Variants in GATAD2A observed in about 807,000 individuals in gnomAD.
GATAD2A encodes transcriptional repressor p66-alpha.
In GATAD2A, 12 loss-of-function variants were observed where a neutral mutation model predicts 68.5. The observed-to-expected ratio is 0.18, with a 90% CI of 0.11 to 0.28. The LOEUF (loss-of-function observed/expected upper bound fraction) is 0.28, where lower values mean the gene tolerates loss of function less well. Among genes scored for constraint, GATAD2A ranks in the 10% least tolerant of loss-of-function variants. The pLI, the probability that GATAD2A is intolerant of heterozygous loss-of-function variation, is 1.00. For synonymous variants in GATAD2A, 410 were observed against 375.3 expected (o/e 1.09, Z -1.07); for missense variants, 755 against 868.5 (o/e 0.87, Z 1.64).
At chr19:19,471,030 C>T (rs1168237750) in intron 2 of GATAD2A, among the ~76,000 whole-genome samples, 1 of 152,016 alleles carries the variant, frequency 6.6e-6, no homozygotes, top group Admixed American at 6.6e-5. Context: ...CCGAGGCAGG[C>T]GGATCACCTG....
chr19:19,498,604 G>A lies in GATAD2A; in HGVS notation c.1086G>A (p.Glu362=). Residue 362 remains glutamate, a synonymous_variant, in exon 8 of 12, where the codon GAG becomes GAA. Coordinates refer to ENST00000683918, the MANE Select transcript of GATAD2A (RefSeq NM_001384528.1). ...AACAGCTGGAGAAGACGCTACTCGA[G>A]ATCCCCCCACCCAAGCCCCCAGCCC... ...LRKQLEKTLL[E]IPPPKPPAPE... is the part of the protein sequence containing the mutation. 2 of 1,613,870 alleles carry A rather than the reference G, an allele frequency of 1.2e-6. No homozygotes were observed. The highest frequency in any genetic ancestry group is 1.7e-6 in the Non-Finnish European group (2 of 1,179,988).
chr19:19,444,832 C>T lies in GATAD2A; in HGVS notation c.-6-20508C>T, dbSNP rs375652211. 1.5e-4 allele frequency among the ~76,000 whole-genome samples: 21 copies of T among 143,804 alleles called. No individual in the cohort carries two copies. The East Asian group carries it at 3.8e-3, about 26-fold the overall frequency. 94.3% of individuals were successfully genotyped at this position (143,804 alleles called of 152,430 possible). The stretch of plus-strand genomic sequence containing the variant: ...GCTGCAGTGAGTCATGATTGTGGCT[C>T]TGCACTCCAGCCTGGACAACAGAGT... On this transcript the variant is annotated intron_variant, in intron 1 of 11. Coordinates refer to ENST00000683918, the MANE Select transcript of GATAD2A (RefSeq NM_001384528.1).
chr19:19,503,068 A>C (rs981392339), intron 11 of GATAD2A, among the ~76,000 whole-genome samples: 1 of 152,206 alleles, frequency 6.6e-6, no homozygotes, highest in African/African-American at 2.4e-5. Context: ...AAGGTCCTCC[A>C]GTGGGCTCTC....
chr19:19,420,498 A>G (rs1600077537), intron 1 of GATAD2A, among the ~76,000 whole-genome samples: 1 of 126,282 alleles, frequency 7.9e-6, no homozygotes, highest in South Asian at 2.5e-4. Flanking sequence ...CGCCTGGCCA[A>G]TTTTTTTTTT....
At chr19:19,432,811 G>T (rs1411407540) in intron 1 of GATAD2A, among the ~76,000 whole-genome samples, 1 of 152,226 alleles carries the variant, frequency 6.6e-6, no homozygotes, top group African/African-American at 2.4e-5. Flanking sequence ...TGGGTCTGCA[G>T]GCAGTGTGTG....
At chr19:19,474,536 CCTGGTGTGTA>C (rs2058538813) in intron 2 of GATAD2A, among the ~76,000 whole-genome samples, 1 of 152,072 alleles carries the variant, frequency 6.6e-6, no homozygotes, top group South Asian at 2.1e-4. Flanking sequence ...GGGATTTGCC[CCTGGTGTGTA>C]TTGGTGTGCC....
intron 8 of GATAD2A, among the ~76,000 whole-genome samples, chr19:19,500,321 GGGCCA>G (rs1449110365): frequency 6.6e-6 from 1 of 152,164 alleles, no homozygotes; most frequent in Non-Finnish European, 1.5e-5. Flanking sequence ...GGCTTAGAAG[GGGCCA>G]GGCCAGTCCA....
At chr19:19,442,689 G>A (rs2055233356) in intron 1 of GATAD2A, among the ~76,000 whole-genome samples, 1 of 150,818 alleles carries the variant, frequency 6.6e-6, no homozygotes, top group Admixed American at 6.6e-5. Flanking sequence ...CATCCTAGCT[G>A]TTCCGGAGGC....
At chr19:19,480,344 T>C (rs2058969615) in intron 2 of GATAD2A, among the ~76,000 whole-genome samples, 1 of 152,246 alleles carries the variant, frequency 6.6e-6, no homozygotes, top group Admixed American at 6.5e-5. Context: ...GATTTGTCAA[T>C]GTCACCACCT....
intron 7 of GATAD2A, 33 bp from the exon 8 acceptor site, chr19:19,498,410 G>GGAGC (rs1568339067): frequency 1.3e-6 from 2 of 1,582,262 alleles, no homozygotes; most frequent in Non-Finnish European, 8.6e-7. Flanking sequence ...GCAGGCGCAC[G>GGAGC]GAGCGCCCTG....
intron 1 of GATAD2A, among the ~76,000 whole-genome samples, chr19:19,423,735 G>A (rs1380790624): frequency 6.6e-6 from 1 of 152,246 alleles, no homozygotes; most frequent in Non-Finnish European, 1.5e-5. Context: ...TGGGGATGGC[G>A]TGGGCAGAAT....
upstream of GATAD2A, among the ~76,000 whole-genome samples, chr19:19,405,547 G>A (rs1258848640): frequency 2.0e-5 from 3 of 152,036 alleles, no homozygotes; most frequent in African/African-American, 7.2e-5. Flanking sequence ...GGAGCGCGCC[G>A]GAGAGGGGCG....
intron 7 of GATAD2A, 59 bp downstream of exon 7, chr19:19,496,278 C>T: frequency 6.7e-7 from 1 of 1,486,558 alleles, no homozygotes; most frequent in Non-Finnish European, 9.3e-7. Context: ...GACTGCTCCC[C>T]TTGGACCCAG....
chr19:19,400,770 T>C (rs575803820), upstream of GATAD2A, among the ~76,000 whole-genome samples: 3 of 152,306 alleles, frequency 2.0e-5, no homozygotes, highest in East Asian at 5.8e-4. Context: ...AACTTTAAAA[T>C]GATCCTCCCT....
chr19:19,424,305 C>T (rs1600087658), intron 1 of GATAD2A, among the ~76,000 whole-genome samples: 1 of 152,290 alleles, frequency 6.6e-6, no homozygotes, highest in East Asian at 1.9e-4. Flanking sequence ...TATTGGCTCA[C>T]TGTATCCTCC....
In GATAD2A at chr19:19,447,842, C is replaced by T. The variant is rs191473359; in HGVS notation, c.-6-17498C>T. 2.6e-5 allele frequency among the ~76,000 whole-genome samples: 4 copies of T among 152,348 alleles called. No homozygotes were observed. In the East Asian group the frequency reaches 7.7e-4, roughly 29 times the overall value. ...AACAGATGAATTTTTGGTTCCCTCA[C>T]TTTCCACTTGACATTTCCTTCCAGG... On this transcript the variant is annotated intron_variant, in intron 1 of 11. Coordinates refer to ENST00000683918, the MANE Select transcript of GATAD2A (RefSeq NM_001384528.1).
At position 19,508,396 on chromosome 19, in the gene GATAD2A, G is replaced by A. The variant is rs1007664571; in HGVS notation, c.*2922G>A. 6.6e-6 allele frequency: 1 copy of A among 152,284 alleles called. No homozygotes were observed. The highest frequency in any genetic ancestry group is 2.4e-5 in the African/African-American group (1 of 41,462). The allele number at this position is 152,284 out of a possible 1,614,324, so 9.4% of individuals were successfully genotyped here. ...CCTTCTCAGAGTGGAACAGCCCACA[G>A]TGCTAGTTGTGCCTGGTCTTACCTG... On this transcript the variant is annotated 3_prime_UTR_variant, in exon 12 of 12. Coordinates refer to ENST00000683918, the MANE Select transcript of GATAD2A (RefSeq NM_001384528.1).
At chr19:19,502,113 T>C (rs1218865929) in intron 10 of GATAD2A, 70 bp downstream of exon 10, 1 of 1,144,884 alleles carries the variant, frequency 8.7e-7, no homozygotes, top group Non-Finnish European at 1.3e-6. Flanking sequence ...AGTCGCCGAC[T>C]GTCACGCTGC....
intron 1 of GATAD2A, among the ~76,000 whole-genome samples, chr19:19,456,672 A>G (rs1029866900): frequency 1.8e-4 from 27 of 152,204 alleles, no homozygotes; most frequent in African/African-American, 6.0e-4. Flanking sequence ...GGCAAAGGCA[A>G]ACACCAAAAG....
Sources: allele counts gnomAD v4.1 joint callset (sites outside exome capture counted in the v4.1 genomes callset), GRCh38; gene constraint gnomAD v4.1.1; transcripts MANE v1.5; gene names NCBI Gene and HGNC (gene_info 2026-07-23, HGNC 2026-07-21).